PALS2: variants seen among roughly 807,000 people sequenced by gnomAD.
PALS2 encodes the protein protein associated with LIN7 2, MAGUK p55 family member.
In PALS2, 27 loss-of-function variants were observed where a neutral mutation model predicts 61.6. The observed-to-expected ratio is 0.44, with a 90% confidence interval of 0.32 to 0.60. PALS2 has a LOEUF of 0.60. Ranked by LOEUF, PALS2 falls within the 20% of genes least tolerant of loss-of-function variation. The pLI is 0.05. For synonymous variants in PALS2, 236 were observed against 218.6 expected, an observed-to-expected ratio of 1.08 and a Z score of -0.70; for missense variants, 554 against 639.4, an observed-to-expected ratio of 0.87 and a Z score of 1.44.
At chr7:24,626,972 A>G (rs1035362493) in intron 2 of PALS2, among the ~76,000 whole-genome samples, 3 of 152,154 alleles carry the variant, frequency 2.0e-5, no homozygotes, top group Admixed American at 2.0e-4. Flanking sequence ...AAGACAGAAA[A>G]TTAACAAGGA....
intron 1 of PALS2, among the ~76,000 whole-genome samples, chr7:24,613,615 T>C (rs945519170): frequency 6.6e-6 from 1 of 151,864 alleles, no homozygotes; most frequent in Non-Finnish European, 1.5e-5. Context: ...ATATCCTCTC[T>C]TCAGCCGCTT....
In PALS2 at chr7:24,647,256, C is replaced by T. The variant is rs1022090003; in HGVS notation, c.271-2356C>T. Among the ~76,000 whole-genome samples the T allele has an allele frequency of 4.0e-5, 6 of 151,876 alleles. No individual in the cohort carries two copies. The East Asian group carries it at 7.8e-4, about 20-fold the overall frequency. On this transcript the variant is annotated intron_variant, in intron 3 of 11. Coordinates refer to ENST00000222644, the MANE Select transcript of PALS2 (RefSeq NM_001303037.2). ...CCACCTCCCAGGTTCAAGCAATTCTCCTGCCTCAGCCTCCCAAGTAGCTGG... is the reference window on the plus strand; with the variant it reads ...CCACCTCCCAGGTTCAAGCAATTCTTCTGCCTCAGCCTCCCAAGTAGCTGG...
At chr7:24,576,299 A>G (rs541888304) in intron 1 of PALS2, among the ~76,000 whole-genome samples, 3 of 152,178 alleles carry the variant, frequency 2.0e-5, no homozygotes, top group Non-Finnish European at 4.4e-5. Context: ...TCAGTCTCAC[A>G]GAAGCTGCAA....
chr7:24,679,459 C>A, intron 10 of PALS2, 126 bp downstream of exon 10: 1 of 828,032 alleles, frequency 1.2e-6, no homozygotes, highest in Non-Finnish European at 1.9e-6. Flanking sequence ...CCCTCCATTA[C>A]CTTTGGGTGA....
intron 11 of PALS2, among the ~76,000 whole-genome samples, chr7:24,682,479 T>C (rs945663390): frequency 6.6e-6 from 1 of 152,210 alleles, no homozygotes; most frequent in Non-Finnish European, 1.5e-5. Context: ...TCAAGAGTCC[T>C]GTAGGCTCCT....
chr7:24,658,394 ATT>A (rs1171033298), intron 5 of PALS2, among the ~76,000 whole-genome samples: 2 of 152,114 alleles, frequency 1.3e-5, no homozygotes, highest in African/African-American at 4.8e-5. Flanking sequence ...ATTCTAGCAC[ATT>A]TGACATTTCT....
chr7:24,605,334 T>C (rs1562609459), intron 1 of PALS2, among the ~76,000 whole-genome samples: 1 of 152,122 alleles, frequency 6.6e-6, no homozygotes, highest in African/African-American at 2.4e-5. Context: ...CCTCAGACGC[T>C]AAATAAACTA....
At chr7:24,634,432 G>C (rs753588912) in intron 2 of PALS2, among the ~76,000 whole-genome samples, 1 of 152,114 alleles carries the variant, frequency 6.6e-6, no homozygotes, top group Non-Finnish European at 1.5e-5. Flanking sequence ...GGGTTTCACC[G>C]TGTTAGCCAG....
intron 1 of PALS2, among the ~76,000 whole-genome samples, chr7:24,610,474 T>C (rs1467540628): frequency 6.6e-6 from 1 of 152,200 alleles, no homozygotes; most frequent in East Asian, 1.9e-4. Flanking sequence ...TGTGAGTAAA[T>C]ACCTATGGAA....
At chr7:24,654,906 T>C (rs1786337539) in intron 5 of PALS2, among the ~76,000 whole-genome samples, 1 of 152,174 alleles carries the variant, frequency 6.6e-6, no homozygotes, top group Non-Finnish European at 1.5e-5. Context: ...GTGACAGAGA[T>C]AATGTTTTTC....
intron 3 of PALS2, among the ~76,000 whole-genome samples, chr7:24,644,335 A>C (rs1039279049): frequency 2.0e-5 from 3 of 151,758 alleles, no homozygotes; most frequent in Non-Finnish European, 4.4e-5. Context: ...TTTAGCTCCC[A>C]CTTACAAGTG....
At chr7:24,608,969 G>A (rs927033482) in intron 1 of PALS2, among the ~76,000 whole-genome samples, 2 of 151,926 alleles carry the variant, frequency 1.3e-5, no homozygotes, top group African/African-American at 4.8e-5. Flanking sequence ...TTATTTTTTG[G>A]TTGCTCCTTT....
chr7:24,600,130 A>C (rs1397244045), intron 1 of PALS2, among the ~76,000 whole-genome samples: 1 of 152,132 alleles, frequency 6.6e-6, no homozygotes, highest in African/African-American at 2.4e-5. Context: ...TTTGCTTGTA[A>C]GCAGATCTAT....
intron 11 of PALS2, among the ~76,000 whole-genome samples, chr7:24,682,445 C>T (rs1194306267): frequency 6.6e-6 from 1 of 152,266 alleles, no homozygotes; most frequent in South Asian, 2.1e-4. Flanking sequence ...CCTGGGTCTC[C>T]CTGGACTCAG....
Position 24,688,723 on chromosome 7 carries a change from T to C in PALS2, c.*1109T>C, listed in dbSNP as rs914289661. The C allele has an allele frequency of 6.7e-6, 1 of 149,922 alleles. No homozygotes were observed. The highest frequency in any genetic ancestry group is 1.5e-5 in the Non-Finnish European group (1 of 67,572). 9.3% of individuals were successfully genotyped at this position (149,922 alleles called of 1,614,324 possible). ...TTTGTATACATACACACAAAATATA[T>C]ACATTATATAATATGTATATTATGT... On this transcript the variant is annotated 3_prime_UTR_variant, in exon 12 of 12. Coordinates refer to ENST00000222644, the MANE Select transcript of PALS2 (RefSeq NM_001303037.2).
At chr7:24,641,921 T>A in intron 3 of PALS2, 53 bp downstream of exon 3, 1 of 1,534,134 alleles carries the variant, frequency 6.5e-7, no homozygotes, top group Non-Finnish European at 8.9e-7. Flanking sequence ...CAAAGTATTC[T>A]CCTTTACTTT....
chr7:24,681,760 C>T (rs530456570), intron 11 of PALS2, among the ~76,000 whole-genome samples: 4 of 152,244 alleles, frequency 2.6e-5, no homozygotes, highest in African/African-American at 4.8e-5. Context: ...TCCACACATT[C>T]GCCTGTGCTC....
intron 1 of PALS2, among the ~76,000 whole-genome samples, chr7:24,593,096 T>G (rs559798894): frequency 6.6e-6 from 1 of 152,278 alleles, no homozygotes; most frequent in East Asian, 1.9e-4. Context: ...GCTAAACTTA[T>G]GTAATATTCT....
chr7:24,648,728 AC>A (rs1309364381), intron 3 of PALS2, among the ~76,000 whole-genome samples: 1 of 151,862 alleles, frequency 6.6e-6, no homozygotes, highest in Non-Finnish European at 1.5e-5. Flanking sequence ...ACACGGTGAA[AC>A]CCCGTCTCTA....
Sources: allele counts gnomAD v4.1 joint callset (sites outside exome capture counted in the v4.1 genomes callset), GRCh38; gene constraint gnomAD v4.1.1; transcripts MANE v1.5; gene names NCBI Gene and HGNC (gene_info 2026-07-23, HGNC 2026-07-21).